The following CBLB variants were observed in gnomAD, a reference collection of about 807,000 sequenced individuals.
CBLB encodes the protein E3 ubiquitin-protein ligase CBL-B.
In CBLB, 31 loss-of-function variants were observed where a neutral mutation model predicts 104.9. The observed-to-expected ratio is 0.30, with a 90% CI of 0.22 to 0.40. The LOEUF is 0.40. CBLB is among the 10% of genes least tolerant of loss of function. The probability of loss-of-function intolerance (pLI) is 1.00; values close to 1 mark genes in which losing one functional copy is unlikely to be tolerated. For missense variants in CBLB, 1,062 were observed against 1,214.6 expected (o/e 0.87, Z 1.87); for synonymous variants, 440 against 422.6 (o/e 1.04, Z -0.51).
At chr3:105,679,804 ACTTG>A (rs1323549940) in intron 16 of CBLB, among the ~76,000 whole-genome samples, 3 of 152,044 alleles carry the variant, frequency 2.0e-5, no homozygotes, top group Non-Finnish European at 4.4e-5. Context: ...TATTTACTGA[ACTTG>A]CTTTAGAAAA....
intron 10 of CBLB, among the ~76,000 whole-genome samples, chr3:105,710,773 C>G (rs1442276783): frequency 6.6e-6 from 1 of 151,874 alleles, no homozygotes; most frequent in Non-Finnish European, 1.5e-5. Context: ...TCTTTTACGT[C>G]TACATACTCA....
intron 2 of CBLB, among the ~76,000 whole-genome samples, chr3:105,865,349 C>A (rs1400915882): frequency 6.6e-6 from 1 of 152,152 alleles, no homozygotes; most frequent in African/African-American, 2.4e-5. Context: ...CCCCTGGGTA[C>A]ATTCACAAAT....
At chr3:105,739,076 T>A (rs1320443643) in intron 7 of CBLB, among the ~76,000 whole-genome samples, 1 of 152,062 alleles carries the variant, frequency 6.6e-6, no homozygotes, top group Non-Finnish European at 1.5e-5. Flanking sequence ...CCCAGCTAAT[T>A]TTTTTGCATT....
At chr3:105,869,027 G>T, upstream of CBLB, 1 of 628,096 alleles carries the variant, frequency 1.6e-6, no homozygotes, top group East Asian at 1.4e-4. Context: ...CACCCCTGTG[G>T]CACACACAGG....
rs1215910336 is a variant in CBLB at position 105,702,432 on chromosome 3, C to T, written c.1621G>A (p.Asp541Asn). The change falls in exon 12 of 19, where the codon GAT becomes AAT. Residue 541 changes from aspartate to asparagine, a missense_variant. Asp to Asn is a conservative substitution (Grantham distance 23). This residue lies in a region of CBLB where 605 missense variants were observed against 582.6 expected (regional missense o/e 1.04). Transcript: ENST00000394030. ...KSSPCMVRKQDKPLPAPPPPL... is the reference protein window; with the variant it reads ...KSSPCMVRKQNKPLPAPPPPL... ...GGAGGTGGTGCTGGGAGTGGTTTAT[C>T]TTGTTTTCTCACCATGCAAGGAGAA... 1.0e-6 allele frequency: 1 copy of T among 998,314 alleles called. No individual in the cohort carries two copies. The highest frequency in any genetic ancestry group is 1.4e-6 in the Non-Finnish European group (1 of 714,738). The allele number at this position is 998,314 out of a possible 1,614,324, so 61.8% of individuals were successfully genotyped here.
intron 10 of CBLB, 67 bp downstream of exon 10, chr3:105,719,980 T>C (rs1292887779): frequency 9.3e-6 from 11 of 1,186,798 alleles, no homozygotes; most frequent in Non-Finnish European, 1.0e-5. Flanking sequence ...ATACTCCATT[T>C]ATGACGGCAT....
chr3:105,800,344 G>A (rs962328522), intron 3 of CBLB, among the ~76,000 whole-genome samples: 1 of 152,164 alleles, frequency 6.6e-6, no homozygotes, highest in Non-Finnish European at 1.5e-5. Context: ...TGAGTAGGAG[G>A]ATGCTTCCTA....
intron 12 of CBLB, among the ~76,000 whole-genome samples, chr3:105,700,256 T>C (rs575180546): frequency 2.6e-5 from 4 of 152,274 alleles, no homozygotes; most frequent in African/African-American, 9.6e-5. Context: ...AAATTTATAA[T>C]AGCATTAAAA....
chr3:105,868,736 C>T lies in CBLB; in HGVS notation c.-15G>A. On this transcript the variant is annotated splice_region_variant and 5_prime_UTR_variant, in exon 1 of 19. Transcript: ENST00000394030. Reference sequence around the variant, plus strand: ...CCCCGGCGACCCCTTCCCTTCTTGCCTTTCGGCGCCGTAGCTGTCCAGAGA... The same window carrying T: ...CCCCGGCGACCCCTTCCCTTCTTGCTTTTCGGCGCCGTAGCTGTCCAGAGA... 2 of 990,886 alleles carry T rather than the reference C, an allele frequency of 2.0e-6. No homozygotes were observed. Among genetic ancestry groups the T allele is most frequent in the South Asian group, 4.7e-5 (1 of 21,390 alleles). 61.4% of individuals were successfully genotyped at this position (990,886 alleles called of 1,614,324 possible).
intron 3 of CBLB, 41 bp from the exon 4 acceptor site, chr3:105,776,583 A>C: frequency 1.3e-6 from 2 of 1,579,834 alleles, no homozygotes; most frequent in Non-Finnish European, 1.7e-6. Flanking sequence ...AGAAATAAAC[A>C]CCTAGATGCA....
At position 105,685,331 on chromosome 3, in the gene CBLB, T is replaced by G; in HGVS notation, c.2190A>C (p.Lys730Asn). The G allele has an allele frequency of 6.2e-7, 1 of 1,613,570 alleles. No individual in the cohort carries two copies. The highest frequency in any genetic ancestry group is 8.5e-7 in the Non-Finnish European group (1 of 1,179,732). The change falls in exon 14 of 19, where the codon AAA (lysine) becomes AAC (asparagine). Residue 730 changes from lysine (K) to asparagine (N), a missense_variant. By Grantham distance (94) the Lys-to-Asn change is moderately conservative. Around this residue, in one of 2 missense-constraint regions of CBLB, gnomAD observed 605 missense variants for 582.6 expected, o/e 1.04. Coordinates refer to ENST00000394030, the MANE Select transcript of CBLB (RefSeq NM_170662.5). ...GCCCATACTCTTACCGAACAGGAGGTTTTACATTATGACAATGAGATGGTT... is the reference window on the plus strand; with the variant it reads ...GCCCATACTCTTACCGAACAGGAGGGTTTACATTATGACAATGAGATGGTT... Reference protein sequence around the residue: ...NSQPSHCHNVKPPVRSCDNGH... With the variant: ...NSQPSHCHNVNPPVRSCDNGH...
chr3:105,665,442 T>TATATATATAC (rs1182735970), intron 18 of CBLB, among the ~76,000 whole-genome samples: 48 of 67,098 alleles, frequency 7.2e-4, no homozygotes, highest in East Asian at 2.6e-3. Context: ...TATATATATA[T>TATATATATAC]ACACACACAC....
chr3:105,868,908 T>C lies in CBLB; in HGVS notation c.-187A>G. On this transcript the variant is annotated 5_prime_UTR_variant, in exon 1 of 19. Transcript: ENST00000394030. ...CCTCCGAGACGTGGAAACGCAACAA[T>C]TACCGTCAAGACAAATCCACACCCG... The C allele has an allele frequency of 1.0e-6, 1 of 1,002,936 alleles. No homozygotes were observed. Among genetic ancestry groups the C allele is most frequent in the Non-Finnish European group, 1.2e-6 (1 of 841,914 alleles). The allele number at this position is 1,002,936 out of a possible 1,614,324, so 62.1% of individuals were successfully genotyped here.
intron 8 of CBLB, among the ~76,000 whole-genome samples, chr3:105,735,743 G>A (rs2074855039): frequency 6.6e-6 from 1 of 152,128 alleles, no homozygotes; most frequent in Non-Finnish European, 1.5e-5. Flanking sequence ...CTGAGGTCAG[G>A]AGTTTGATCC....
intron 4 of CBLB, among the ~76,000 whole-genome samples, chr3:105,766,825 A>C (rs2078278268): frequency 6.6e-6 from 1 of 152,140 alleles, no homozygotes; most frequent in Non-Finnish European, 1.5e-5. Flanking sequence ...AACCCACAAT[A>C]TCTCTGAGGT....
At chr3:105,719,352 G>GAGTA (rs1297847449) in intron 10 of CBLB, among the ~76,000 whole-genome samples, 1 of 152,164 alleles carries the variant, frequency 6.6e-6, no homozygotes, top group Non-Finnish European at 1.5e-5. Flanking sequence ...AAACCAATGA[G>GAGTA]AGTACCTTGA....
chr3:105,685,235 A>G, intron 14 of CBLB, 85 bp downstream of exon 14: 1 of 1,146,258 alleles, frequency 8.7e-7, no homozygotes, highest in Admixed American at 1.7e-5. Flanking sequence ...TTTTAATTAG[A>G]CGTGAATCAA....
intron 10 of CBLB, among the ~76,000 whole-genome samples, chr3:105,706,713 T>C (rs1490428022): frequency 1.3e-5 from 2 of 152,210 alleles, no homozygotes; most frequent in African/African-American, 4.8e-5. Flanking sequence ...GCTTTGTTGA[T>C]ATGGCTACTC....
At chr3:105,722,610 G>A (rs1427356235) in intron 9 of CBLB, among the ~76,000 whole-genome samples, 1 of 151,900 alleles carries the variant, frequency 6.6e-6, no homozygotes, top group Non-Finnish European at 1.5e-5. Flanking sequence ...AATCATGAAA[G>A]TTACATTATT....
Sources: gnomAD v4.1 joint callset for allele counts (sites outside exome capture counted in the v4.1 genomes callset) on GRCh38, gnomAD v4.1.1 for gene constraint, gnomAD v4.1.1 regional missense constraint, MANE v1.5 for transcripts, NCBI Gene and HGNC (gene_info 2026-07-23, HGNC 2026-07-21) for gene names.